Variants in GRIP1 observed in about 807,000 individuals in gnomAD.
GRIP1 encodes the protein glutamate receptor interacting protein 1.
GRIP1 carries 45 observed loss-of-function variants against 129.9 expected under a neutral mutation model. That is an observed-to-expected ratio of 0.35 (90% CI 0.27 to 0.44). GRIP1 has a LOEUF of 0.44. Ranked by LOEUF, GRIP1 falls within the 20% of genes least tolerant of loss-of-function variation. The pLI, the probability that GRIP1 is intolerant of heterozygous loss-of-function variation, is 1.00. For synonymous variants in GRIP1, 530 were observed against 520.8 expected, an observed-to-expected ratio of 1.02 and a Z score of -0.24; for missense variants, 1,196 against 1,396.8, an observed-to-expected ratio of 0.86 and a Z score of 2.29.
At chr12:66,606,321 G>A (rs959066899) in intron 1 of GRIP1, among the ~76,000 whole-genome samples, 8 of 152,058 alleles carry the variant, frequency 5.3e-5, no homozygotes, top group Non-Finnish European at 8.8e-5. Context: ...TAAGTTACAC[G>A]AAGAAAAATG....
chr12:66,381,800 G>A (rs562299093), intron 19 of GRIP1, among the ~76,000 whole-genome samples: 1 of 152,274 alleles, frequency 6.6e-6, no homozygotes, highest in South Asian at 2.1e-4. Flanking sequence ...GTCTTAATAA[G>A]CACTATTAAA....
chr12:66,743,172 T>G (rs1181830505), intron 1 of GRIP1, among the ~76,000 whole-genome samples: 1 of 152,198 alleles, frequency 6.6e-6, no homozygotes, highest in African/African-American at 2.4e-5. Flanking sequence ...AGGGATTAGA[T>G]GGCATGCAAC....
At chr12:66,511,810 C>T (rs1030861787) in intron 7 of GRIP1, among the ~76,000 whole-genome samples, 8 of 152,118 alleles carry the variant, frequency 5.3e-5, no homozygotes, top group African/African-American at 1.9e-4. Context: ...GTTTCTAAAG[C>T]CAGGATATAT....
At chr12:66,699,594 C>T (rs1322798835) in intron 1 of GRIP1, among the ~76,000 whole-genome samples, 3 of 152,302 alleles carry the variant, frequency 2.0e-5, no homozygotes, top group Non-Finnish European at 2.9e-5. Flanking sequence ...GTCTCCTCAG[C>T]TGTGTGGAAC....
intron 23 of GRIP1, among the ~76,000 whole-genome samples, chr12:66,361,493 C>G (rs1424882954): frequency 6.6e-6 from 1 of 152,168 alleles, no homozygotes; most frequent in African/African-American, 2.4e-5. Flanking sequence ...CCCAGAGCAC[C>G]TTCACACATC....
At chr12:66,948,491 G>A (rs2041705593) in intron 1 of GRIP1, among the ~76,000 whole-genome samples, 1 of 152,172 alleles carries the variant, frequency 6.6e-6, no homozygotes, top group Admixed American at 6.5e-5. Context: ...AATGAGTGAT[G>A]AAGAAGCTCA....
At chr12:67,015,441 T>C (rs2042771944) in intron 1 of GRIP1, among the ~76,000 whole-genome samples, 1 of 152,134 alleles carries the variant, frequency 6.6e-6, no homozygotes, top group Admixed American at 6.6e-5. Flanking sequence ...CAGAGATGCT[T>C]TAAAATAAAT....
intron 1 of GRIP1, among the ~76,000 whole-genome samples, chr12:67,006,794 C>T (rs1162067940): frequency 6.6e-6 from 1 of 152,112 alleles, no homozygotes; most frequent in Non-Finnish European, 1.5e-5. Context: ...GTGTGTGTTG[C>T]TTTTCCGTTT....
At position 66,599,990 on chromosome 12, in the gene GRIP1, G is replaced by C. The variant is rs561492114; in HGVS notation, c.56-3063C>G. 4.6e-5 allele frequency among the ~76,000 whole-genome samples: 7 copies of C among 152,272 alleles called. No homozygotes were observed. In the South Asian group the frequency reaches 1.4e-3, roughly 32 times the overall value. On this transcript the variant is annotated intron_variant, in intron 1 of 24. Coordinates refer to ENST00000359742, the MANE Select transcript of GRIP1 (RefSeq NM_001366722.1). ...ATGTTGCTGTGTCACAGGAGTGAGT[G>C]AGTGGGCACACTGTACCAGCAGAGA... is the stretch of plus-strand genomic sequence containing the variant.
chr12:67,069,333 C>A (rs868374978), upstream of GRIP1, among the ~76,000 whole-genome samples: 2 of 116,730 alleles, frequency 1.7e-5, no homozygotes, highest in South Asian at 2.5e-4. Context: ...CGGCGGCGGC[C>A]GGGCCGGGCC....
At chr12:66,685,997 T>C (rs979301465) in intron 1 of GRIP1, among the ~76,000 whole-genome samples, 5 of 152,192 alleles carry the variant, frequency 3.3e-5, no homozygotes, top group Non-Finnish European at 7.3e-5. Context: ...TCCCTTCTAG[T>C]GGATTTCTTT....
At chr12:66,725,946 A>T (rs2036241419) in intron 1 of GRIP1, among the ~76,000 whole-genome samples, 1 of 151,832 alleles carries the variant, frequency 6.6e-6, no homozygotes, top group Admixed American at 6.6e-5. Flanking sequence ...CAGAGACATT[A>T]AGTGATTTCC....
intron 16 of GRIP1, among the ~76,000 whole-genome samples, chr12:66,399,580 G>T (rs992932726): frequency 1.3e-5 from 2 of 151,982 alleles, no homozygotes; most frequent in African/African-American, 4.8e-5. Flanking sequence ...AAGGGGGCAA[G>T]CCTACTTGTT....
chr12:66,443,013 C>G (rs1375100320), intron 13 of GRIP1, among the ~76,000 whole-genome samples: 1 of 151,964 alleles, frequency 6.6e-6, no homozygotes, highest in East Asian at 1.9e-4. Context: ...TAATGTGATC[C>G]CTGAGTCCAC....
chr12:66,648,566 G>A (rs550807243), intron 1 of GRIP1, among the ~76,000 whole-genome samples: 151 of 152,308 alleles, frequency 9.9e-4, no homozygotes, highest in Middle Eastern at 3.4e-3. Context: ...TCTGAAAGAC[G>A]GAGTCTGCTG....
intron 1 of GRIP1, among the ~76,000 whole-genome samples, chr12:66,967,308 T>C (rs189980558): frequency 1.4e-4 from 21 of 152,310 alleles, no homozygotes; most frequent in African/African-American, 5.1e-4. Flanking sequence ...ATGTGTCATT[T>C]CTTTCTAGCT....
At chr12:66,456,383 C>T (rs991599041) in intron 9 of GRIP1, 41 bp from the exon 10 acceptor site, 20 of 1,188,094 alleles carry the variant, frequency 1.7e-5, no homozygotes, top group African/African-American at 6.3e-5. Context: ...GAAAAACAAA[C>T]GAACAAACAA....
At chr12:66,928,865 T>C (rs899428380) in intron 1 of GRIP1, among the ~76,000 whole-genome samples, 1 of 152,226 alleles carries the variant, frequency 6.6e-6, no homozygotes, top group African/African-American at 2.4e-5. Flanking sequence ...CTGTCTATAC[T>C]GTGGCTCTGG....
chr12:67,044,877 G>A lies in GRIP1; in HGVS notation c.58+24173C>T, dbSNP rs78382162. ...AGCCAGCACTATAGTAATTCTTATC[G>A]AGAACTATGCACAGAATGCTTTATA... is the stretch of plus-strand genomic sequence containing the variant. On this transcript the variant is annotated intron_variant, in intron 1 of 1. Transcript: ENST00000643019. 8.9e-3 allele frequency among the ~76,000 whole-genome samples: 1,351 copies of A among 152,220 alleles called. 15 individuals carry two copies. Among genetic ancestry groups the A allele is most frequent in the African/African-American group, 0.03 (1,260 of 41,542 alleles).
Sources: allele counts gnomAD v4.1 joint callset (sites outside exome capture counted in the v4.1 genomes callset), GRCh38; gene constraint gnomAD v4.1.1; transcripts MANE v1.5; gene names NCBI Gene and HGNC (gene_info 2026-07-23, HGNC 2026-07-21).